RPS6KA2: variants seen among roughly 807,000 people sequenced by gnomAD.
The protein encoded by RPS6KA2 is ribosomal protein S6 kinase alpha-2.
In RPS6KA2, 42 loss-of-function variants were observed where a neutral mutation model predicts 91.8. That is an observed-to-expected ratio of 0.46 (90% CI 0.36 to 0.59). RPS6KA2 has a LOEUF of 0.59. Ranked by LOEUF, RPS6KA2 falls within the 20% of genes least tolerant of loss-of-function variation. The probability of loss-of-function intolerance (pLI) is 0.00; values close to 1 mark genes in which losing one functional copy is unlikely to be tolerated. For synonymous variants in RPS6KA2, 414 were observed against 393.6 expected (o/e 1.05, Z -0.61); for missense variants, 798 against 978.5 (o/e 0.82, Z 2.46).
At chr6:166,485,025 G>A (rs1187592703) in intron 10 of RPS6KA2, among the ~76,000 whole-genome samples, 1 of 152,172 alleles carries the variant, frequency 6.6e-6, no homozygotes, top group Non-Finnish European at 1.5e-5. Context: ...CTCGAAGAAC[G>A]ACCTGTTCTC....
chr6:166,817,323 A>C (rs1779791846), intron 2 of RPS6KA2, among the ~76,000 whole-genome samples: 1 of 152,196 alleles, frequency 6.6e-6, no homozygotes, highest in Non-Finnish European at 1.5e-5. Context: ...TATGTGTATT[A>C]TGCATAGATC....
In RPS6KA2 at chr6:166,497,056, C is replaced by T. The variant is rs368415369; in HGVS notation, c.747+1452G>A. On this transcript the variant is annotated intron_variant, in intron 8 of 20. Transcript: ENST00000265678. ...ATCGAGGCAGAAATCACCTCCAAGA[C>T]GGCAAAGCAAACCTGCCTCACTGAC... 5.4e-4 allele frequency among the ~76,000 whole-genome samples: 83 copies of T among 152,300 alleles called. 1 individual carries two copies. Among genetic ancestry groups the T allele is most frequent in the African/African-American group, 1.7e-3 (70 of 41,562 alleles).
rs370461548 is a variant in RPS6KA2, at chr6:166,852,642, C to T, written c.123+5558G>A. Reference sequence around the variant, plus strand: ...TGACCCTTTTCCTCACCAGGGGACTCGTCGAGGGGTCCAAGCAGCAACGGC... The same window carrying T: ...TGACCCTTTTCCTCACCAGGGGACTTGTCGAGGGGTCCAAGCAGCAACGGC... On this transcript the variant is annotated intron_variant, in intron 2 of 21. Transcript: ENST00000503859. The surrounding 1 kb of genome is among the most constrained non-coding windows in gnomAD (Gnocchi z 4.1). Among the ~76,000 whole-genome samples, 3 of 152,000 alleles carry T rather than the reference C, an allele frequency of 2.0e-5. No homozygotes were observed. Among genetic ancestry groups the T allele is most frequent in the Non-Finnish European group, 2.9e-5 (2 of 68,000 alleles).
chr6:166,707,276 C>T (rs1789709035), intron 2 of RPS6KA2, among the ~76,000 whole-genome samples: 3 of 152,264 alleles, frequency 2.0e-5, no homozygotes, highest in Admixed American at 2.0e-4. Context: ...GCCCGCAGAG[C>T]AGAGCCGGGT....
In RPS6KA2 at chr6:166,855,510, A is replaced by AGAG. The variant is rs367988718; in HGVS notation, c.123+2689_123+2690insCTC. On this transcript the variant is annotated intron_variant, in intron 2 of 21. Coordinates refer to the RPS6KA2 transcript ENST00000503859. ...AAGAGGAAGAAGAAGAGGAAGAAGA[A>AGAG]GAAGAATAAGAAGGGTTTTGTGATT... 0.022 allele frequency among the ~76,000 whole-genome samples: 3,166 copies of AGAG among 143,578 alleles called. 237 individuals are homozygous for AGAG. In the East Asian group the frequency reaches 0.28, roughly 13 times the overall value. 94.2% of individuals were successfully genotyped at this position (143,578 alleles called of 152,430 possible).
At chr6:166,461,899 A>G (rs892329316) in intron 11 of RPS6KA2, among the ~76,000 whole-genome samples, 3 of 151,996 alleles carry the variant, frequency 2.0e-5, no homozygotes, top group Non-Finnish European at 4.4e-5. Flanking sequence ...CCATCCCCAG[A>G]GCCTGGTGCC....
chr6:166,853,233 G>T (rs189203042), intron 2 of RPS6KA2, among the ~76,000 whole-genome samples: 1 of 152,172 alleles, frequency 6.6e-6, no homozygotes, highest in African/African-American at 2.4e-5. Context: ...GAGTTCAGGG[G>T]CTCGAGACCA....
At chr6:166,570,606 T>C (rs6456095) in intron 1 of RPS6KA2, among the ~76,000 whole-genome samples, 95,792 of 152,110 alleles carry the variant, frequency 0.63, 31,678 homozygotes, top group East Asian at 0.85. Context: ...CAGCATAAAC[T>C]AAAATAAATA....
intron 2 of RPS6KA2, among the ~76,000 whole-genome samples, chr6:166,640,334 A>G (rs534764683): frequency 1.3e-5 from 2 of 152,376 alleles, no homozygotes; most frequent in East Asian, 3.9e-4. Context: ...AAAATATTTC[A>G]TAAACACCTA....
intron 3 of RPS6KA2, among the ~76,000 whole-genome samples, chr6:166,513,456 G>T (rs1260881542): frequency 6.6e-6 from 1 of 152,286 alleles, no homozygotes; most frequent in South Asian, 2.1e-4. Flanking sequence ...AAAGACCTTG[G>T]GGAGCATGCA....
intron 2 of RPS6KA2, among the ~76,000 whole-genome samples, chr6:166,806,753 G>T (rs1182550633): frequency 6.6e-6 from 1 of 152,058 alleles, no homozygotes; most frequent in Non-Finnish European, 1.5e-5. Flanking sequence ...TTCCAACAAT[G>T]ACATGTAACT....
intron 11 of RPS6KA2, among the ~76,000 whole-genome samples, chr6:166,469,604 C>T (rs1780680504): frequency 6.6e-6 from 1 of 152,128 alleles, no homozygotes; most frequent in Non-Finnish European, 1.5e-5. Context: ...AGGAGGAAAG[C>T]TGAGGGGACT....
chr6:166,528,111 C>T (rs922726206), intron 3 of RPS6KA2, among the ~76,000 whole-genome samples: 3 of 152,184 alleles, frequency 2.0e-5, no homozygotes, highest in Non-Finnish European at 4.4e-5. Flanking sequence ...CTCTGGTCAA[C>T]CTTTCGAGAA....
At chr6:166,792,744 T>A (rs146181469) in intron 2 of RPS6KA2, among the ~76,000 whole-genome samples, 3,113 of 152,188 alleles carry the variant, frequency 0.02, 87 homozygotes, top group African/African-American at 0.068. Flanking sequence ...ACAGAACCAA[T>A]GACAAAAACC....
At position 166,557,725 on chromosome 6, in the gene RPS6KA2, C is replaced by T. The variant is rs1784217757; in HGVS notation, c.100-18941G>A. Among the ~76,000 whole-genome samples, 1 of 152,148 alleles carries T rather than the reference C, an allele frequency of 6.6e-6. No individual in the cohort carries two copies. The highest frequency in any genetic ancestry group is 2.4e-5 in the African/African-American group (1 of 41,412). ...AAGTTGTTATTCCCAGGCAAATATC[C>T]AGAGTTCAAAATGAAACTCGAAATC... On this transcript the variant is annotated intron_variant, in intron 1 of 20. Coordinates refer to ENST00000265678, the MANE Select transcript of RPS6KA2 (RefSeq NM_021135.6). The surrounding 1 kb of genome is among the most constrained non-coding windows in gnomAD (Gnocchi z 4.8).
At chr6:166,581,264 C>T (rs1784999270) in intron 1 of RPS6KA2, among the ~76,000 whole-genome samples, 1 of 152,156 alleles carries the variant, frequency 6.6e-6, no homozygotes, top group Non-Finnish European at 1.5e-5. Flanking sequence ...CAAACATCCA[C>T]TCTGCTTTTG....
At chr6:166,453,223 ACACACAC>A (rs1197188036) in intron 12 of RPS6KA2, among the ~76,000 whole-genome samples, 6 of 146,962 alleles carry the variant, frequency 4.1e-5, no homozygotes, top group African/African-American at 7.6e-5. Context: ...ACACACACAC[ACACACAC>A]AAAAAGGCTT....
At chr6:166,846,681 A>G (rs374189641) in intron 2 of RPS6KA2, among the ~76,000 whole-genome samples, 12 of 152,346 alleles carry the variant, frequency 7.9e-5, no homozygotes, top group South Asian at 2.1e-4. Context: ...TAAAACCCTC[A>G]GGAATATTGG....
intron 2 of RPS6KA2, among the ~76,000 whole-genome samples, chr6:166,670,773 A>G (rs78085146): frequency 2.0e-5 from 3 of 152,192 alleles, no homozygotes; most frequent in African/African-American, 7.2e-5. Context: ...TCTACTCTTA[A>G]GGCTACCCTC....
Sources: gnomAD v4.1 joint callset for allele counts (sites outside exome capture counted in the v4.1 genomes callset) on GRCh38, gnomAD v4.1.1 for gene constraint, Gnocchi (gnomAD v3.1) non-coding constraint, MANE v1.5 for transcripts, NCBI Gene and HGNC (gene_info 2026-07-23, HGNC 2026-07-21) for gene names.